GREB1: variants seen among roughly 807,000 people sequenced by gnomAD.
The protein encoded by GREB1 is growth regulating estrogen receptor binding 1, also known as protein GREB1.
In GREB1, 106 loss-of-function variants were observed where a neutral mutation model predicts 200.7. The ratio of observed to expected loss-of-function variants is 0.53; its 90% CI spans 0.45 to 0.62. The LOEUF is 0.62. Ranked by LOEUF, GREB1 falls within the 20% of genes least tolerant of loss-of-function variation. The pLI is 0.00. For synonymous variants in GREB1, 1,132 were observed against 1,092.4 expected (o/e 1.04, Z -0.72); for missense variants, 2,243 against 2,556.8 (o/e 0.88, Z 2.65).
intron 1 of GREB1, among the ~76,000 whole-genome samples, chr2:11,500,349 A>G (rs1460270541): frequency 6.6e-6 from 1 of 152,070 alleles, no homozygotes; most frequent in Non-Finnish European, 1.5e-5. Context: ...TTTAGTAGAG[A>G]TGGGGTTTCA....
At chr2:11,611,122 C>A in intron 18 of GREB1, 95 bp downstream of exon 18, 1 of 1,029,752 alleles carries the variant, frequency 9.7e-7, no homozygotes, top group Non-Finnish European at 1.4e-6. Flanking sequence ...AACCCCACAG[C>A]GTGGCCAACG....
Position 11,584,192 on chromosome 2 carries a change from G to C in GREB1, c.902-969G>C, listed in dbSNP as rs138690835. ...CGGTTGAGTTTAATGTACAGTTGAA[G>C]TTGAGACATGAATCTCTGCATGTAG... On this transcript the variant is annotated intron_variant, in intron 7 of 32. Coordinates refer to ENST00000381486, the MANE Select transcript of GREB1 (RefSeq NM_014668.4). 2.0e-5 allele frequency among the ~76,000 whole-genome samples: 3 copies of C among 152,320 alleles called. No individual in the cohort carries two copies. The East Asian group carries it at 5.8e-4, about 29-fold the overall frequency.
intron 1 of GREB1, among the ~76,000 whole-genome samples, chr2:11,487,689 T>A (rs1300414427): frequency 6.6e-6 from 1 of 152,270 alleles, no homozygotes; most frequent in Non-Finnish European, 1.5e-5. Flanking sequence ...TGAGCCTCTG[T>A]GTTCATCATT....
chr2:11,588,148 G>A, intron 9 of GREB1: 1 of 456,878 alleles, frequency 2.2e-6, no homozygotes, highest in Non-Finnish European at 2.9e-6. Flanking sequence ...AGAATCACTT[G>A]AACTTGGGAG....
Position 11,605,144 on chromosome 2 carries a change from C to CTTTTTTTTTTTTTTTTTTTTTT in GREB1, c.2666+2613_2666+2634dup, listed in dbSNP as rs3035991. On this transcript the variant is annotated intron_variant, in intron 17 of 32. Coordinates refer to ENST00000381486, the MANE Select transcript of GREB1 (RefSeq NM_014668.4). Reference sequence around the variant, plus strand: ...TGGAGCTGGGCACCAGAGCCTGCTTCTTTTTTTTTTTTTTTTTTTTTTTTT... The same window carrying CTTTTTTTTTTTTTTTTTTTTTT: ...TGGAGCTGGGCACCAGAGCCTGCTTCTTTTTTTTTTTTTTTTTTTTTTTTTTTTTTTTTTTTTTTTTTTTTTT... Among the ~76,000 whole-genome samples the CTTTTTTTTTTTTTTTTTTTTTT allele has an allele frequency of 8.9e-5, 4 of 44,816 alleles. 2 individuals are homozygous for CTTTTTTTTTTTTTTTTTTTTTT. Among genetic ancestry groups the CTTTTTTTTTTTTTTTTTTTTTT allele is most frequent in the Non-Finnish European group, 1.9e-4 (4 of 20,584 alleles). 29.4% of individuals were successfully genotyped at this position (44,816 alleles called of 152,430 possible). A position where few individuals can be genotyped will look rare whatever the true frequency, so the allele number is the denominator to read the frequency against.
At chr2:11,533,351 A>G (rs1039781693), upstream of GREB1, among the ~76,000 whole-genome samples, 3 of 152,184 alleles carry the variant, frequency 2.0e-5, no homozygotes, top group African/African-American at 4.8e-5. Flanking sequence ...TAAATACTCT[A>G]CTACATTATC....
intron 4 of GREB1, among the ~76,000 whole-genome samples, chr2:11,575,187 AT>A (rs1678717109): frequency 1.3e-5 from 2 of 152,236 alleles, no homozygotes; most frequent in Admixed American, 1.3e-4. Flanking sequence ...TTGTAGACTT[AT>A]CAAATGGAGA....
intron 25 of GREB1, 148 bp downstream of exon 25, chr2:11,627,252 A>C: frequency 1.5e-6 from 1 of 672,470 alleles, no homozygotes; most frequent in Non-Finnish European, 2.4e-6. Context: ...GTTCCCTTCA[A>C]TTGTCTGTGA....
intron 23 of GREB1, among the ~76,000 whole-genome samples, chr2:11,623,842 T>TGGTGCCACTCCATCCTGG (rs1267738411): frequency 2.0e-5 from 3 of 152,104 alleles, no homozygotes; most frequent in Admixed American, 6.5e-5. Flanking sequence ...TGAGCTGAGA[T>TGGTGCCACTCCATCCTGG]GGTGCCACTC....
intron 30 of GREB1, among the ~76,000 whole-genome samples, chr2:11,635,803 G>A (rs1354624042): frequency 2.0e-5 from 3 of 152,122 alleles, no homozygotes; most frequent in African/African-American, 2.4e-5. Flanking sequence ...GGGCAGCCTC[G>A]GGGTGGGGAG....
intron 1 of GREB1, among the ~76,000 whole-genome samples, chr2:11,497,736 T>C (rs1672925396): frequency 6.6e-6 from 1 of 152,172 alleles, no homozygotes. Context: ...ACACTGAACA[T>C]CTTTTCGTGA....
At chr2:11,588,090 G>C in intron 9 of GREB1, 1 of 420,840 alleles carries the variant, frequency 2.4e-6, no homozygotes, top group Non-Finnish European at 3.2e-6. Flanking sequence ...GCCGGGTGTG[G>C]TGGTGATGCG....
Position 11,597,388 on chromosome 2 carries a change from A to T in GREB1, c.1955-393A>T, listed in dbSNP as rs1558609739. 6.6e-6 allele frequency among the ~76,000 whole-genome samples: 1 copy of T among 152,028 alleles called. No individual in the cohort carries two copies. Among genetic ancestry groups the T allele is most frequent in the Non-Finnish European group, 1.5e-5 (1 of 67,998 alleles). On this transcript the variant is annotated intron_variant, in intron 13 of 32. Coordinates refer to ENST00000381486, the MANE Select transcript of GREB1 (RefSeq NM_014668.4). The surrounding 1 kb of genome is among the most constrained non-coding windows in gnomAD (Gnocchi z 4.1). The stretch of plus-strand genomic sequence containing the variant: ...AGTCTGTTGCTGATGTTTTTTATTC[A>T]TACAGAGTTCCTAAATGACTGTCGT...
chr2:11,567,039 T>C (rs1383136881), intron 4 of GREB1, among the ~76,000 whole-genome samples: 1 of 152,220 alleles, frequency 6.6e-6, no homozygotes, highest in African/African-American at 2.4e-5. Context: ...TGTTCTGTCC[T>C]GAAGGACTGC....
chr2:11,490,995 T>TAGGG (rs1167420916), intron 1 of GREB1, among the ~76,000 whole-genome samples: 10 of 152,250 alleles, frequency 6.6e-5, no homozygotes, highest in African/African-American at 2.4e-4. Flanking sequence ...CAGCACTGTA[T>TAGGG]AGGGGTTCCT....
chr2:11,510,986 T>C (rs1401136193), intron 1 of GREB1, among the ~76,000 whole-genome samples: 1 of 152,154 alleles, frequency 6.6e-6, no homozygotes, highest in Non-Finnish European at 1.5e-5. Flanking sequence ...TATGAACGTA[T>C]GGATTTTTAA....
At chr2:11,583,849 G>A (rs572090145) in intron 7 of GREB1, among the ~76,000 whole-genome samples, 2 of 143,330 alleles carry the variant, frequency 1.4e-5, no homozygotes, top group South Asian at 4.3e-4. Context: ...ACAAGAGCGA[G>A]ACTCTGTCTC....
chr2:11,550,101 C>T (rs945010562), intron 1 of GREB1, among the ~76,000 whole-genome samples: 2 of 152,152 alleles, frequency 1.3e-5, no homozygotes, highest in African/African-American at 4.8e-5. Flanking sequence ...CGCCTGTAAT[C>T]CCAGCTACTC....
chr2:11,626,968 G>A lies in GREB1; in HGVS notation c.4313G>A (p.Gly1438Glu). The A allele has an allele frequency of 6.2e-7, 1 of 1,614,132 alleles. No homozygotes were observed. Among genetic ancestry groups the A allele is most frequent in the South Asian group, 1.1e-5 (1 of 91,076 alleles). Reference protein sequence around the residue: ...HYQGIKSEDRGMSRKPEDLYV... With the variant: ...HYQGIKSEDREMSRKPEDLYV... ...CCTGGGGAATTTGGTGCAGACAGAGGGATGTCCCGGAAGCCGGAGGACCTT... is the reference window on the plus strand; with the variant it reads ...CCTGGGGAATTTGGTGCAGACAGAGAGATGTCCCGGAAGCCGGAGGACCTT... The change falls in exon 25 of 33, where the codon GGG becomes GAG. Residue 1438 changes from glycine (G) to glutamate (E), a missense_variant. Gly to Glu is a moderately conservative substitution (Grantham distance 98, BLOSUM62 -2). This residue lies in a region of GREB1 where 587 missense variants were observed against 553.1 expected (regional missense o/e 1.06). Transcript: ENST00000381486.
Sources: gnomAD v4.1 joint callset for allele counts (sites outside exome capture counted in the v4.1 genomes callset) on GRCh38, gnomAD v4.1.1 for gene constraint, gnomAD v4.1.1 regional missense constraint, Gnocchi (gnomAD v3.1) non-coding constraint, MANE v1.5 for transcripts, NCBI Gene and HGNC (gene_info 2026-07-23, HGNC 2026-07-21) for gene names.